Variants in TAFA3 observed in about 807,000 individuals in gnomAD.
TAFA3 encodes chemokine-like protein TAFA-3.
Under a neutral mutation model 20.7 loss-of-function variants are expected in TAFA3, and 17 were observed. The observed-to-expected ratio is 0.82, with a 90% CI of 0.56 to 1.23. TAFA3 has a LOEUF of 1.23. Among genes scored for constraint, TAFA3 ranks in the 50% most tolerant of loss-of-function variants. The probability of loss-of-function intolerance (pLI) is 0.00; values close to 1 mark genes in which losing one functional copy is unlikely to be tolerated. For missense variants in TAFA3, 174 were observed against 172.8 expected (o/e 1.01, Z -0.04); for synonymous variants, 74 against 71.8 (o/e 1.03, Z -0.16).
intron 5 of TAFA3, among the ~76,000 whole-genome samples, chr1:112,725,511 C>T (rs1682214914): frequency 1.3e-5 from 2 of 151,974 alleles, no homozygotes; most frequent in African/African-American, 4.8e-5. Flanking sequence ...TCACTCACCT[C>T]TGCCGTGACC....
At position 112,722,189 on chromosome 1, in the gene TAFA3, A is replaced by G. The variant is rs779966183; in HGVS notation, c.-1-44A>G. On this transcript the variant is annotated intron_variant, in intron 2 of 5. Transcript: ENST00000361886. ...GAGAAGGTGCCCAGGTGCACAGGGG[A>G]GCTTCTGCCTGGAGCTGAGCAGAAT... The G allele has an allele frequency of 1.6e-4, 255 of 1,598,800 alleles. No individual in the cohort carries two copies. The Middle Eastern group carries it at 2.0e-3, about 12-fold the overall frequency.
chr1:112,724,797 A>AC (rs1195304511), intron 5 of TAFA3, among the ~76,000 whole-genome samples: 3 of 146,114 alleles, frequency 2.1e-5, no homozygotes, highest in East Asian at 4.1e-4. Context: ...AAAAAAAAAA[A>AC]AACAACATAT....
intron 5 of TAFA3, among the ~76,000 whole-genome samples, chr1:112,725,790 C>T (rs1675456576): frequency 6.6e-6 from 1 of 152,188 alleles, no homozygotes; most frequent in Non-Finnish European, 1.5e-5. Flanking sequence ...AGGGTTCTGC[C>T]TTTGGCTTTC....
At chr1:112,722,547 G>C (rs1047410720) in intron 3 of TAFA3, among the ~76,000 whole-genome samples, 199 bp downstream of exon 3, 5 of 152,174 alleles carry the variant, frequency 3.3e-5, no homozygotes, top group African/African-American at 7.2e-5. Flanking sequence ...AGAAGGTCTG[G>C]GCAGACCCTT....
intron 5 of TAFA3, among the ~76,000 whole-genome samples, chr1:112,724,780 A>G (rs1383048931): frequency 3.2e-5 from 4 of 124,622 alleles, no homozygotes; most frequent in Non-Finnish European, 5.0e-5. Context: ...AACGTAAAGT[A>G]TAATTTAAAA....
In TAFA3 at chr1:112,726,836, G is replaced by T. The variant is rs555686642; in HGVS notation, c.*196G>T. On this transcript the variant is annotated 3_prime_UTR_variant, in exon 6 of 6. Coordinates refer to ENST00000361886, the MANE Select transcript of TAFA3 (RefSeq NM_182759.3). Reference sequence around the variant, plus strand: ...TCTGCAATCACATACCTAATGTGGAGCTGGGCTTTTCTGGAGACACGAAGG... The same window carrying T: ...TCTGCAATCACATACCTAATGTGGATCTGGGCTTTTCTGGAGACACGAAGG... The T allele has an allele frequency of 6.2e-5, 47 of 753,030 alleles. No individual in the cohort carries two copies. In the African/African-American group the frequency reaches 7.7e-4, roughly 12 times the overall value. The allele number at this position is 753,030 out of a possible 1,614,324, so 46.6% of individuals were successfully genotyped here.
At position 112,726,198 on chromosome 1, in the gene TAFA3, G is replaced by A. The variant is rs141018653; in HGVS notation, c.391-431G>A. ...AGGCAGCCTTTGGCTTCTGAAGAGA[G>A]CAACCATTTTCACAGAGCACACAAC... On this transcript the variant is annotated intron_variant, in intron 5 of 5. Coordinates refer to ENST00000361886, the MANE Select transcript of TAFA3 (RefSeq NM_182759.3). Among the ~76,000 whole-genome samples, 716 of 152,242 alleles carry A rather than the reference G, an allele frequency of 4.7e-3. 9 individuals are homozygous for A. The highest frequency in any genetic ancestry group is 0.011 in the Admixed American group (175 of 15,272).
In TAFA3 at chr1:112,726,546, C is replaced by G. The variant is rs1675475624; in HGVS notation, c.391-83C>G. The G allele has an allele frequency of 2.1e-6, 3 of 1,447,856 alleles. No homozygotes were observed. In the South Asian group the frequency reaches 3.5e-5, roughly 17 times the overall value. The allele number at this position is 1,447,856 out of a possible 1,614,324, so 89.7% of individuals were successfully genotyped here. ...TTGGCAGCAATGTCCTCTAAGTGAC[C>G]TGCATATTCTGGGTAGTCTCTGGCA... On this transcript the variant is annotated intron_variant, in intron 5 of 5. Transcript: ENST00000361886.
Position 112,723,148 on chromosome 1 carries a change from AG to A in TAFA3, c.249del (p.Lys83AsnfsTer65). On this transcript the variant is annotated frameshift_variant, in exon 4 of 6. Coordinates refer to ENST00000361886, the MANE Select transcript of TAFA3 (RefSeq NM_182759.3). LOFTEE classifies it high-confidence loss of function. ...CAGGTGGCCGGCACCACGCGGGCAA[AG>A]CCCTCCTGCGTGGACGGTGAGTGAG... ...SGQVAGTTRA[K>X]PSCVDASIVL... 6.2e-7 allele frequency: 1 copy of A among 1,613,038 alleles called. No individual in the cohort carries two copies. The highest frequency in any genetic ancestry group is 8.5e-7 in the Non-Finnish European group (1 of 1,179,834).
rs551361886 is a variant in TAFA3, at chr1:112,727,156, A to G, written c.*516A>G. 6.3e-6 allele frequency: 1 copy of G among 159,390 alleles called. No homozygotes were observed. Among genetic ancestry groups the G allele is most frequent in the South Asian group, 1.8e-4 (1 of 5,408 alleles). The allele number at this position is 159,390 out of a possible 1,614,324, so 9.9% of individuals were successfully genotyped here. A position where few individuals can be genotyped will look rare whatever the true frequency, so the allele number is the denominator to read the frequency against. On this transcript the variant is annotated 3_prime_UTR_variant, in exon 6 of 6. Transcript: ENST00000361886. ...CAGGAAAACACTCTCCCCTTATGCC[A>G]GACCAGCAGTATCTCATTTGGATGG...
In TAFA3 at chr1:112,723,123, C is replaced by T. The variant is rs1418618723; in HGVS notation, c.223C>T (p.Gln75Ter). Reference protein sequence around the residue: ...QTVKCSCFSGQVAGTTRAKPS... With the variant: ...QTVKCSCFSG ...GGTGAAATGCTCCTGTTTTTCTGGC[C>T]AGGTGGCCGGCACCACGCGGGCAAA... Residue 75 changes from glutamine to a stop codon, truncating the protein, a stop_gained, in exon 4 of 6, where the codon CAG (glutamine) becomes TAG (stop). Transcript: ENST00000361886. LOFTEE classifies it high-confidence loss of function. The T allele has an allele frequency of 5.2e-5, 84 of 1,613,202 alleles. No homozygotes were observed. The highest frequency in any genetic ancestry group is 6.9e-5 in the Non-Finnish European group (81 of 1,179,876).
At chr1:112,724,572 G>A (rs1182448876) in intron 5 of TAFA3, among the ~76,000 whole-genome samples, 5 of 134,922 alleles carry the variant, frequency 3.7e-5, no homozygotes, top group South Asian at 2.4e-4. Flanking sequence ...CTCATAGGTG[G>A]GAACTGAACA....
chr1:112,720,869 G>C (rs1484666792), intron 2 of TAFA3, among the ~76,000 whole-genome samples: 2 of 152,184 alleles, frequency 1.3e-5, no homozygotes, highest in African/African-American at 4.8e-5. Flanking sequence ...GCTACTCTGT[G>C]CCTCTTGCTT....
intron 2 of TAFA3, among the ~76,000 whole-genome samples, chr1:112,721,034 C>T (rs1281181798): frequency 6.6e-6 from 1 of 152,168 alleles, no homozygotes; most frequent in Non-Finnish European, 1.5e-5. Flanking sequence ...ACTCTTCCAC[C>T]CACATGCTGC....
chr1:112,724,277 C>G, intron 5 of TAFA3, 140 bp downstream of exon 5: 1 of 792,614 alleles, frequency 1.3e-6, no homozygotes, highest in Non-Finnish European at 2.0e-6. Flanking sequence ...AGACAGTCCT[C>G]TCAGGTCTGT....
chr1:112,725,009 G>T (rs1288125682), intron 5 of TAFA3, among the ~76,000 whole-genome samples: 2 of 152,034 alleles, frequency 1.3e-5, no homozygotes, highest in Non-Finnish European at 2.9e-5. Flanking sequence ...ACATTGAATA[G>T]GATAAAGAAA....
intron 4 of TAFA3, among the ~76,000 whole-genome samples, 171 bp downstream of exon 4, chr1:112,723,336 G>C (rs530262965): frequency 6.6e-6 from 1 of 152,176 alleles, no homozygotes; most frequent in South Asian, 2.1e-4. Context: ...GGCCATCCCT[G>C]TGTCATAGAT....
chr1:112,724,070 A>G lies in TAFA3; in HGVS notation c.323A>G (p.Glu108Gly). The change falls in exon 5 of 6, where the codon GAG (glutamate) becomes GGG (glycine). Residue 108 changes from glutamate to glycine, a missense_variant. Transcript: ENST00000361886. ...CQMEPCLPGE[E>G]CKVLPDLSGW... is the part of the protein sequence containing the mutation. ...ATGGAGCCCTGCCTGCCGGGGGAGG[A>G]GTGTAAGGTGCTCCCGGACCTGTCG... 6.2e-7 allele frequency: 1 copy of G among 1,613,362 alleles called. No homozygotes were observed. The highest frequency in any genetic ancestry group is 8.5e-7 in the Non-Finnish European group (1 of 1,179,900).
At position 112,726,739 on chromosome 1, in the gene TAFA3, A is replaced by G; in HGVS notation, c.*99A>G. ...CCAGGAAAGATGGGGATTCACTTACATGCCTCATGTCAAATGCAGCATCAG... is the reference window on the plus strand; with the variant it reads ...CCAGGAAAGATGGGGATTCACTTACGTGCCTCATGTCAAATGCAGCATCAG... On this transcript the variant is annotated 3_prime_UTR_variant, in exon 6 of 6. Transcript: ENST00000361886. 1.3e-6 allele frequency: 2 copies of G among 1,573,902 alleles called. No homozygotes were observed. Among genetic ancestry groups the G allele is most frequent in the Non-Finnish European group, 1.7e-6 (2 of 1,143,832 alleles).
Sources: gnomAD v4.1 joint callset for allele counts (sites outside exome capture counted in the v4.1 genomes callset) on GRCh38, gnomAD v4.1.1 for gene constraint, MANE v1.5 for transcripts, NCBI Gene and HGNC (gene_info 2026-07-23, HGNC 2026-07-21) for gene names.